The following CYP4Z1 variants were observed in gnomAD, a reference collection of about 807,000 sequenced individuals.
CYP4Z1 encodes cytochrome P450 family 4 subfamily Z member 1, also known as cytochrome P450 4Z1.
In CYP4Z1, 41 loss-of-function variants were observed where a neutral mutation model predicts 54.2. The ratio of observed to expected loss-of-function variants is 0.76; its 90% CI spans 0.59 to 0.98. CYP4Z1 has a LOEUF of 0.98. Among genes scored for constraint, CYP4Z1 ranks in the 50% least tolerant of loss-of-function variants. CYP4Z1 has a pLI of 0.00. For missense variants in CYP4Z1, 513 were observed against 599.0 expected, an observed-to-expected ratio of 0.86 and a Z score of 1.50; for synonymous variants, 163 against 206.2, an observed-to-expected ratio of 0.79 and a Z score of 1.79.
At chr1:47,111,505 A>T (rs112593175) in intron 9 of CYP4Z1, among the ~76,000 whole-genome samples, 15 of 152,250 alleles carry the variant, frequency 9.9e-5, no homozygotes, top group African/African-American at 3.4e-4. Flanking sequence ...AAAGCAAACT[A>T]TAGGAAATGA....
At chr1:47,094,367 G>T (rs12564635) in intron 6 of CYP4Z1, among the ~76,000 whole-genome samples, 199 bp from the exon 7 acceptor site, 63,011 of 151,906 alleles carry the variant, frequency 0.41, 14,358 homozygotes, top group East Asian at 0.96. Context: ...TGAAGGAAGA[G>T]AAATTGTGGC....
At chr1:47,093,978 A>T (rs1053550051) in intron 6 of CYP4Z1, among the ~76,000 whole-genome samples, 4 of 152,130 alleles carry the variant, frequency 2.6e-5, no homozygotes, top group Non-Finnish European at 4.4e-5. Context: ...TTGATTTCTT[A>T]TTTTCCTATT....
At chr1:47,086,958 C>T (rs894832672) in intron 6 of CYP4Z1, among the ~76,000 whole-genome samples, 1 of 152,214 alleles carries the variant, frequency 6.6e-6, no homozygotes, top group Non-Finnish European at 1.5e-5. Flanking sequence ...GGAATCCTTT[C>T]CTCATTTCAT....
chr1:47,085,397 T>C (rs1338839928), intron 6 of CYP4Z1, among the ~76,000 whole-genome samples: 3 of 152,178 alleles, frequency 2.0e-5, no homozygotes, highest in Non-Finnish European at 2.9e-5. Flanking sequence ...TGAGTATTCC[T>C]TTTGCATGGG....
At chr1:47,085,494 A>C (rs1644585708) in intron 6 of CYP4Z1, among the ~76,000 whole-genome samples, 1 of 152,102 alleles carries the variant, frequency 6.6e-6, no homozygotes, top group Admixed American at 6.6e-5. Flanking sequence ...TATATTTCTG[A>C]TTTATCATTT....
intron 2 of CYP4Z1, among the ~76,000 whole-genome samples, chr1:47,069,689 G>A (rs1644478155): frequency 6.6e-6 from 1 of 151,858 alleles, no homozygotes; most frequent in African/African-American, 2.4e-5. Flanking sequence ...CCCTTGAGAA[G>A]GGAGGCTTAG....
intron 8 of CYP4Z1, among the ~76,000 whole-genome samples, chr1:47,103,108 T>A (rs1246600362): frequency 6.6e-6 from 1 of 152,022 alleles, no homozygotes; most frequent in East Asian, 1.9e-4. Context: ...CTTGATCTAC[T>A]CTAATTGTTG....
intron 6 of CYP4Z1, among the ~76,000 whole-genome samples, chr1:47,093,343 C>T (rs1644653279): frequency 6.6e-6 from 1 of 151,988 alleles, no homozygotes; most frequent in African/African-American, 2.4e-5. Flanking sequence ...TGGTCGAAGG[C>T]GTGGTCCTCC....
chr1:47,064,363 G>C (rs1644439318), upstream of CYP4Z1, among the ~76,000 whole-genome samples: 1 of 151,968 alleles, frequency 6.6e-6, no homozygotes, highest in Non-Finnish European at 1.5e-5. Flanking sequence ...ATTACAGACG[G>C]AGCCACAGTG....
intron 7 of CYP4Z1, among the ~76,000 whole-genome samples, chr1:47,097,821 T>C (rs1258046181): frequency 4.8e-5 from 2 of 41,374 alleles, no homozygotes; most frequent in Non-Finnish European, 7.8e-5. Context: ...TTCCATATGA[T>C]TTTTTTTTTT....
intron 9 of CYP4Z1, 176 bp from the exon 10 acceptor site, chr1:47,115,353 G>A (rs1326267964): frequency 1.5e-5 from 8 of 527,574 alleles, no homozygotes; most frequent in East Asian, 7.7e-5. Context: ...GTTAAATGAC[G>A]AGTTAATGGG....
chr1:47,105,704 C>T lies in CYP4Z1; in HGVS notation c.1068-424C>T, dbSNP rs572060207. On this transcript the variant is annotated intron_variant, in intron 8 of 11. Coordinates refer to ENST00000334194, the MANE Select transcript of CYP4Z1 (RefSeq NM_178134.3). ...TGTTGGTTCCTGTCTGTGGAAGAGG[C>T]GAGTACCAGATGCCGCTAGTCAGCC... is the stretch of plus-strand genomic sequence containing the variant. Among the ~76,000 whole-genome samples, 7 of 152,246 alleles carry T rather than the reference C, an allele frequency of 4.6e-5. No homozygotes were observed. In the South Asian group the frequency reaches 1.0e-3, roughly 23 times the overall value.
intron 6 of CYP4Z1, 32 bp from the exon 7 acceptor site, chr1:47,094,534 A>G (rs1174949489): frequency 1.2e-5 from 17 of 1,397,264 alleles, no homozygotes; most frequent in Non-Finnish European, 1.6e-5. Context: ...AGTAACCTTG[A>G]TAATAACAAA....
chr1:47,067,783 C>T (rs1329360294), intron 1 of CYP4Z1, 116 bp downstream of exon 1: 1 of 951,564 alleles, frequency 1.1e-6, no homozygotes, highest in African/African-American at 1.7e-5. Context: ...ACACCAATCT[C>T]ATTGTGATTT....
At chr1:47,074,098 G>A (rs1442394321) in intron 2 of CYP4Z1, among the ~76,000 whole-genome samples, 3 of 152,204 alleles carry the variant, frequency 2.0e-5, no homozygotes, top group Admixed American at 2.0e-4. Flanking sequence ...TAGGTCTTTA[G>A]TCCTTTTTTT....
chr1:47,101,744 TAA>T (rs1329594535), intron 8 of CYP4Z1, among the ~76,000 whole-genome samples: 1 of 152,174 alleles, frequency 6.6e-6, no homozygotes, highest in South Asian at 2.1e-4. Context: ...AAATATTCTG[TAA>T]ATGTCTGGGA....
At chr1:47,062,106 C>G in the CYP4Z1 span, among the ~76,000 whole-genome samples, 2 of 152,184 alleles carry the variant, frequency 1.3e-5, no homozygotes, top group East Asian at 1.9e-4. Flanking sequence ...AAGCATTCCC[C>G]TTGAAAACCA....
At chr1:47,103,258 C>A (rs527855947) in intron 8 of CYP4Z1, among the ~76,000 whole-genome samples, 1 of 152,036 alleles carries the variant, frequency 6.6e-6, no homozygotes, top group African/African-American at 2.4e-5. Flanking sequence ...TAGCTCACTG[C>A]AGCCTCAAAC....
At chr1:47,101,883 G>T (rs10890454) in intron 8 of CYP4Z1, among the ~76,000 whole-genome samples, 63,552 of 151,636 alleles carry the variant, frequency 0.42, 14,645 homozygotes, top group East Asian at 0.97. Context: ...CAACGATTAT[G>T]GTATGAAAGT....
Sources: gnomAD v4.1 joint callset for allele counts (sites outside exome capture counted in the v4.1 genomes callset) on GRCh38, gnomAD v4.1.1 for gene constraint, MANE v1.5 for transcripts, NCBI Gene and HGNC (gene_info 2026-07-23, HGNC 2026-07-21) for gene names.